The following DENND6A variants were observed in gnomAD, a reference collection of about 807,000 sequenced individuals.
DENND6A encodes DENN domain containing 6A.
A neutral mutation model predicts 95.5 loss-of-function variants in DENND6A; 43 were observed. The ratio of observed to expected loss-of-function variants is 0.45; its 90% CI spans 0.35 to 0.58. DENND6A has a LOEUF of 0.58. DENND6A is among the 20% of genes least tolerant of loss of function. The pLI, the probability that DENND6A is intolerant of heterozygous loss-of-function variation, is 0.00. For missense variants in DENND6A, 574 were observed against 736.0 expected (o/e 0.78, Z 2.55); for synonymous variants, 257 against 260.4 (o/e 0.99, Z 0.13).
At chr3:57,667,142 C>T (rs1384649731) in intron 3 of DENND6A, among the ~76,000 whole-genome samples, 2 of 152,284 alleles carry the variant, frequency 1.3e-5, no homozygotes, top group African/African-American at 4.8e-5. Flanking sequence ...GATTATCCTG[C>T]CTCAGCCTCC....
intron 12 of DENND6A, 87 bp from the exon 13 acceptor site, chr3:57,634,856 AT>A: frequency 2.8e-6 from 3 of 1,078,802 alleles, no homozygotes; most frequent in Non-Finnish European, 3.9e-6. Context: ...TAATCTGTTT[AT>A]TACTTAAGTA....
chr3:57,651,229 C>T (rs2071203484), intron 9 of DENND6A, among the ~76,000 whole-genome samples: 1 of 152,224 alleles, frequency 6.6e-6, no homozygotes, highest in Non-Finnish European at 1.5e-5. Flanking sequence ...GACAGACTTA[C>T]CTCCAGATAA....
chr3:57,659,237 C>T (rs528161085), intron 7 of DENND6A, 57 bp from the exon 8 acceptor site: 2 of 1,555,540 alleles, frequency 1.3e-6, no homozygotes, highest in Non-Finnish European at 1.8e-6. Flanking sequence ...ATGAGAAGTG[C>T]TGTATCCTGC....
intron 5 of DENND6A, 101 bp downstream of exon 5, chr3:57,663,535 A>G (rs2071470451): frequency 1.6e-6 from 1 of 638,460 alleles, no homozygotes; most frequent in East Asian, 3.3e-5. Context: ...ATGTTTAAAG[A>G]TAAAATACCA....
rs1481256496 is a variant in DENND6A, at chr3:57,641,423, T to TAGAATAATAATATTATTTTATA, written c.1132+229_1132+230insTATAAAATAATATTATTATTCT. 2.0e-5 allele frequency among the ~76,000 whole-genome samples: 3 copies of TAGAATAATAATATTATTTTATA among 147,944 alleles called. No individual in the cohort carries two copies. The East Asian group carries it at 5.9e-4, about 29-fold the overall frequency. ...TAATTCTATAAGTGTTATATTATTA[T>TAGAATAATAATATTATTTTATA]TCTATAATAATATAACACTATAAGT... On this transcript the variant is annotated intron_variant, in intron 12 of 19. Coordinates refer to ENST00000311128, the MANE Select transcript of DENND6A (RefSeq NM_152678.3).
chr3:57,668,183 T>C (rs1369851379), intron 3 of DENND6A, among the ~76,000 whole-genome samples: 1 of 152,208 alleles, frequency 6.6e-6, no homozygotes, highest in African/African-American at 2.4e-5. Flanking sequence ...ACTGGAAATA[T>C]TAAAAACCCC....
intron 1 of DENND6A, among the ~76,000 whole-genome samples, chr3:57,675,345 T>C (rs1020584352): frequency 6.6e-6 from 1 of 152,236 alleles, no homozygotes; most frequent in Non-Finnish European, 1.5e-5. Flanking sequence ...CTGAGTCTTC[T>C]TTGGTAGCCT....
Position 57,659,037 on chromosome 3 carries a change from A to ATTCTT in DENND6A, c.762+80_762+81insAAGAA. The ATTCTT allele has an allele frequency of 2.3e-6, 3 of 1,314,914 alleles. No individual in the cohort carries two copies. In the East Asian group the frequency reaches 7.0e-5, roughly 30 times the overall value. 81.5% of individuals were successfully genotyped at this position (1,314,914 alleles called of 1,614,324 possible). A position where few individuals can be genotyped will look rare whatever the true frequency, so the allele number is the denominator to read the frequency against. ...TTCAGAAATATGTAATAAACTCAAG[A>ATTCTT]AACTCTGCATTTGCTAGTTTAAAAA... On this transcript the variant is annotated intron_variant, in intron 8 of 19. Transcript: ENST00000311128.
At chr3:57,629,488 T>TA (rs1014831072) in intron 18 of DENND6A, among the ~76,000 whole-genome samples, 106 of 123,928 alleles carry the variant, frequency 8.6e-4, no homozygotes, top group South Asian at 1.8e-3. Context: ...ATACAGAACA[T>TA]AAAAAAAAAA....
intron 11 of DENND6A, among the ~76,000 whole-genome samples, chr3:57,643,267 T>G (rs942254038): frequency 3.0e-4 from 45 of 152,064 alleles, no homozygotes; most frequent in African/African-American, 1.0e-3. Context: ...AAGTGAAAAC[T>G]AATGCCATCC....
chr3:57,635,034 A>T (rs1438577746), intron 12 of DENND6A, among the ~76,000 whole-genome samples: 1 of 152,224 alleles, frequency 6.6e-6, no homozygotes, highest in Non-Finnish European at 1.5e-5. Flanking sequence ...ATCATTACTT[A>T]AATTTTTCCC....
chr3:57,651,196 A>T (rs1200141678), intron 9 of DENND6A, among the ~76,000 whole-genome samples: 9 of 152,238 alleles, frequency 5.9e-5, no homozygotes, highest in Non-Finnish European at 1.2e-4. Context: ...AGCAGTACGC[A>T]TTCAGTATGC....
chr3:57,692,680 C>T (rs574280981), intron 1 of DENND6A, 102 bp downstream of exon 1: 4 of 1,116,996 alleles, frequency 3.6e-6, no homozygotes, highest in African/African-American at 1.7e-5. Flanking sequence ...CCGGATGCGC[C>T]GCGGACAGGG....
intron 12 of DENND6A, among the ~76,000 whole-genome samples, chr3:57,638,894 G>C (rs2070863539): frequency 6.6e-6 from 1 of 152,054 alleles, no homozygotes; most frequent in East Asian, 1.9e-4. Flanking sequence ...CTTGAGCACA[G>C]GAGTTTAGGA....
chr3:57,644,136 C>G (rs1373262321), intron 11 of DENND6A, among the ~76,000 whole-genome samples: 3 of 148,428 alleles, frequency 2.0e-5, no homozygotes, highest in Non-Finnish European at 4.5e-5. Context: ...GATGACAGTG[C>G]CAGACTCCAT....
intron 12 of DENND6A, among the ~76,000 whole-genome samples, chr3:57,637,601 G>C (rs1338481357): frequency 1.3e-5 from 2 of 151,792 alleles, no homozygotes; most frequent in African/African-American, 4.8e-5. Flanking sequence ...GCAGGGCTGT[G>C]TTGCACAACT....
chr3:57,662,615 G>A (rs560271372), intron 5 of DENND6A, among the ~76,000 whole-genome samples: 4 of 151,846 alleles, frequency 2.6e-5, no homozygotes, highest in Non-Finnish European at 4.4e-5. Context: ...TAGTTCAGGC[G>A]TTTATTAGTT....
At chr3:57,672,717 A>G (rs999749029) in intron 1 of DENND6A, among the ~76,000 whole-genome samples, 1 of 152,112 alleles carries the variant, frequency 6.6e-6, no homozygotes, top group African/African-American at 2.4e-5. Flanking sequence ...CGGGAGACAG[A>G]GATCGTAGTA....
At chr3:57,642,313 CAAAA>C (rs10681174) in intron 11 of DENND6A, among the ~76,000 whole-genome samples, 1 of 67,560 alleles carries the variant, frequency 1.5e-5, no homozygotes, top group Admixed American at 1.6e-4. Flanking sequence ...GACTCTGTCT[CAAAA>C]AAAAAAAAAA....
Sources: gnomAD v4.1 joint callset for allele counts (sites outside exome capture counted in the v4.1 genomes callset) on GRCh38, gnomAD v4.1.1 for gene constraint, MANE v1.5 for transcripts, NCBI Gene and HGNC (gene_info 2026-07-23, HGNC 2026-07-21) for gene names.